The following ANKRD12 variants were observed in gnomAD, a reference collection of about 807,000 sequenced individuals.
ANKRD12 encodes ankyrin repeat domain-containing protein 12.
Under a neutral mutation model 183.4 loss-of-function variants are expected in ANKRD12, and 85 were observed. The ratio of observed to expected loss-of-function variants is 0.46; its 90% CI spans 0.39 to 0.56. The LOEUF is 0.56. Among genes scored for constraint, ANKRD12 ranks in the 20% least tolerant of loss-of-function variants. The probability of loss-of-function intolerance (pLI) is 0.00; values close to 1 mark genes in which losing one functional copy is unlikely to be tolerated. For missense variants in ANKRD12, 2,405 were observed against 2,357.1 expected (o/e 1.02, Z -0.42); for synonymous variants, 914 against 800.2 (o/e 1.14, Z -2.40).
chr18:9,149,219 T>G (rs1040042098), intron 1 of ANKRD12, among the ~76,000 whole-genome samples: 1 of 152,242 alleles, frequency 6.6e-6, no homozygotes, highest in Admixed American at 6.5e-5. Context: ...AGGCTAGGAT[T>G]GTGTTTTGTT....
intron 10 of ANKRD12, among the ~76,000 whole-genome samples, chr18:9,270,657 C>A (rs1163439514): frequency 6.6e-6 from 1 of 152,094 alleles, no homozygotes; most frequent in Non-Finnish European, 1.5e-5. Flanking sequence ...AGGAGAGATA[C>A]CTAATATTAA....
chr18:9,186,852 C>T (rs1259591087), intron 2 of ANKRD12, among the ~76,000 whole-genome samples: 5 of 150,722 alleles, frequency 3.3e-5, no homozygotes, highest in South Asian at 2.1e-4. Context: ...CCTGGGTTCA[C>T]GCCATTCTCC....
intron 10 of ANKRD12, among the ~76,000 whole-genome samples, chr18:9,271,966 G>GA (rs1037396884): frequency 7.9e-5 from 12 of 152,140 alleles, no homozygotes; most frequent in African/African-American, 2.7e-4. Flanking sequence ...TTTCCCCACA[G>GA]AAAATGGTAA....
intron 2 of ANKRD12, among the ~76,000 whole-genome samples, chr18:9,193,181 A>C (rs1415994658): frequency 7.2e-6 from 1 of 139,574 alleles, no homozygotes; most frequent in Admixed American, 7.8e-5. Context: ...TCTGTTGTCC[A>C]GCCTGGAGCA....
At chr18:9,175,228 A>C (rs2033151904) in intron 1 of ANKRD12, among the ~76,000 whole-genome samples, 1 of 152,182 alleles carries the variant, frequency 6.6e-6, no homozygotes, top group African/African-American at 2.4e-5. Context: ...TGTAGTTGGA[A>C]TACTTCTGTA....
intron 4 of ANKRD12, among the ~76,000 whole-genome samples, chr18:9,207,098 C>T (rs934886551): frequency 6.6e-6 from 1 of 151,896 alleles, no homozygotes; most frequent in African/African-American, 2.4e-5. Context: ...ATTAAAACAA[C>T]AACACTTGTA....
chr18:9,275,666 A>G lies in ANKRD12; in HGVS notation c.5906A>G (p.Gln1969Arg). The G allele has an allele frequency of 1.3e-6, 2 of 1,554,922 alleles. No individual in the cohort carries two copies. The highest frequency in any genetic ancestry group is 1.2e-5 in the South Asian group (1 of 83,254). The change falls in exon 11 of 13, where the codon CAG becomes CGG. Residue 1969 changes from glutamine (Q) to arginine (R), a missense_variant and splice_region_variant. Around this residue, in one of 7 missense-constraint regions of ANKRD12, gnomAD observed 162 missense variants for 272.2 expected, o/e 0.60. Transcript: ENST00000262126. ...AEVYNVPLDS[Q>R]SDDSKTSVRD... The stretch of plus-strand genomic sequence containing the variant: ...GTATACAATGTACCATTGGACTCTC[A>G]GGTAAAATGTTTGTTGATACATTTA...
chr18:9,204,435 G>C, intron 3 of ANKRD12, 41 bp from the exon 4 acceptor site: 1 of 1,409,308 alleles, frequency 7.1e-7, no homozygotes, highest in South Asian at 1.2e-5. Flanking sequence ...ATTTCCCTCC[G>C]TGTGCTTTTT....
chr18:9,170,299 G>A (rs2032565486), intron 1 of ANKRD12, among the ~76,000 whole-genome samples: 1 of 152,198 alleles, frequency 6.6e-6, no homozygotes, highest in African/African-American at 2.4e-5. Context: ...ATAATATCCT[G>A]CAGAGTGTTT....
In ANKRD12 at chr18:9,235,166, A is replaced by G. The variant is rs563709541; in HGVS notation, c.943+13167A>G. 5.9e-5 allele frequency among the ~76,000 whole-genome samples: 9 copies of G among 152,330 alleles called. No individual in the cohort carries two copies. The East Asian group carries it at 1.2e-3, about 20-fold the overall frequency. ...TTATGATAAGTTAAAAAATTAATTC[A>G]TCATCATAAGAGGATGATAGAGAGC... On this transcript the variant is annotated intron_variant, in intron 8 of 12. Coordinates refer to ENST00000262126, the MANE Select transcript of ANKRD12 (RefSeq NM_015208.5).
chr18:9,269,514 TG>T (rs1271996742), intron 10 of ANKRD12, among the ~76,000 whole-genome samples: 3 of 152,150 alleles, frequency 2.0e-5, no homozygotes, highest in African/African-American at 7.2e-5. Context: ...AAACAAACAA[TG>T]GGGAAAGGAT....
At chr18:9,224,879 A>T (rs191838755) in intron 8 of ANKRD12, among the ~76,000 whole-genome samples, 1 of 152,208 alleles carries the variant, frequency 6.6e-6, no homozygotes, top group South Asian at 2.1e-4. Context: ...AGTATCTTCT[A>T]TATACGGTAT....
At chr18:9,261,766 C>A (rs1385163483) in intron 9 of ANKRD12, among the ~76,000 whole-genome samples, 1 of 152,184 alleles carries the variant, frequency 6.6e-6, no homozygotes, top group African/African-American at 2.4e-5. Flanking sequence ...CTTTTCCTTT[C>A]TTCCCACATG....
intron 12 of ANKRD12, 109 bp from the exon 13 acceptor site, chr18:9,280,832 A>C (rs2040079884): frequency 1.1e-6 from 1 of 940,088 alleles, no homozygotes; most frequent in African/African-American, 1.7e-5. Flanking sequence ...AATGCTTTTT[A>C]TGCTCCTGAT....
intron 6 of ANKRD12, among the ~76,000 whole-genome samples, chr18:9,214,639 T>A (rs1176372476): frequency 3.9e-5 from 6 of 152,084 alleles, no homozygotes; most frequent in Non-Finnish European, 8.8e-5. Context: ...GAAGTGCTCC[T>A]AAGAAACAGA....
At chr18:9,249,390 G>A (rs559473599) in intron 8 of ANKRD12, among the ~76,000 whole-genome samples, 6 of 152,206 alleles carry the variant, frequency 3.9e-5, no homozygotes, top group Non-Finnish European at 8.8e-5. Flanking sequence ...TAAATAATGT[G>A]TGTGTTTAAG....
At chr18:9,143,831 C>G (rs1379215995) in intron 1 of ANKRD12, among the ~76,000 whole-genome samples, 1 of 152,140 alleles carries the variant, frequency 6.6e-6, no homozygotes, top group Non-Finnish European at 1.5e-5. Context: ...TAGTGTGTTT[C>G]TATTTGTCCT....
intron 8 of ANKRD12, among the ~76,000 whole-genome samples, chr18:9,251,405 C>A (rs2038290526): frequency 6.6e-6 from 1 of 152,162 alleles, no homozygotes; most frequent in African/African-American, 2.4e-5. Context: ...GTCTTAGTTG[C>A]AAATATCTGA....
At chr18:9,276,705 CCT>C (rs375147940) in intron 11 of ANKRD12, among the ~76,000 whole-genome samples, 63 of 151,090 alleles carry the variant, frequency 4.2e-4, no homozygotes, top group African/African-American at 1.5e-3. Context: ...AGAGTGGGAC[CCT>C]GTCTCAAAAA....
Sources: allele counts gnomAD v4.1 joint callset (sites outside exome capture counted in the v4.1 genomes callset), GRCh38; gene constraint gnomAD v4.1.1; regional missense constraint gnomAD v4.1.1; transcripts MANE v1.5; gene names NCBI Gene and HGNC (gene_info 2026-07-23, HGNC 2026-07-21).